The following EPM2A variants were observed in gnomAD, a reference collection of about 807,000 sequenced individuals.
The protein encoded by EPM2A is laforin.
In EPM2A, 21 loss-of-function variants were observed where a neutral mutation model predicts 26.5. The ratio of observed to expected loss-of-function variants is 0.79; its 90% CI spans 0.56 to 1.14. EPM2A has a LOEUF of 1.14. EPM2A is among the 50% of genes most tolerant of loss of function. EPM2A has a pLI of 0.00. For missense variants in EPM2A, 458 were observed against 440.8 expected (o/e 1.04, Z -0.35); for synonymous variants, 217 against 177.6 (o/e 1.22, Z -1.76).
chr6:145,587,344 T>C (rs537256817), intron 2 of EPM2A, among the ~76,000 whole-genome samples: 3 of 152,192 alleles, frequency 2.0e-5, no homozygotes, highest in Non-Finnish European at 4.4e-5. Context: ...TTGCAAATGG[T>C]TCAGAATATA....
rs983941071 is a variant in EPM2A, at chr6:145,635,761, T to C, written c.477-275A>G. 1.2e-5 allele frequency: 5 copies of C among 408,816 alleles called. 1 individual carries two copies. The highest frequency in any genetic ancestry group is 7.1e-5 in the South Asian group (3 of 41,970). The allele number at this position is 408,816 out of a possible 1,614,324, so 25.3% of individuals were successfully genotyped here. On this transcript the variant is annotated intron_variant, in intron 2 of 3. Coordinates refer to ENST00000367519, the MANE Select transcript of EPM2A (RefSeq NM_005670.4). ...AATATATTAAAATAAGTCTACCAAGTTGTACTTATTCCATGAATGCATATA... is the reference window on the plus strand; with the variant it reads ...AATATATTAAAATAAGTCTACCAAGCTGTACTTATTCCATGAATGCATATA...
Position 145,506,658 on chromosome 6 carries a change from T to C in EPM2A, c.341-4083A>G, listed in dbSNP as rs1320155175. On this transcript the variant is annotated intron_variant, in intron 2 of 3. Transcript: ENST00000450221. ...GAACTCAAGCATATGGAAAAGAAAA[T>C]ACAAAGAAAATAAGTCACCCTGTAA... Among the ~76,000 whole-genome samples, 9 of 151,904 alleles carry C rather than the reference T, an allele frequency of 5.9e-5. No individual in the cohort carries two copies. In the South Asian group the frequency reaches 1.7e-3, roughly 28 times the overall value.
intron 4 of EPM2A, among the ~76,000 whole-genome samples, chr6:145,481,159 G>A (rs1376972498): frequency 2.0e-5 from 3 of 152,084 alleles, no homozygotes; most frequent in Non-Finnish European, 4.4e-5. Context: ...TGCCCTCAGG[G>A]CAACCTTGGG....
intron 1 of EPM2A, among the ~76,000 whole-genome samples, chr6:145,719,111 C>T (rs891378939): frequency 2.2e-4 from 33 of 152,052 alleles, no homozygotes; most frequent in Non-Finnish European, 4.6e-4. Context: ...ACCCAGCCAT[C>T]CCATTACTGG....
intron 2 of EPM2A, among the ~76,000 whole-genome samples, chr6:145,663,543 G>A (rs566173802): frequency 6.6e-6 from 1 of 152,294 alleles, no homozygotes; most frequent in Non-Finnish European, 1.5e-5. Flanking sequence ...TCTGATTGGT[G>A]TACCTGAAAG....
chr6:145,618,945 C>A (rs1775572720), intron 2 of EPM2A, among the ~76,000 whole-genome samples: 1 of 152,004 alleles, frequency 6.6e-6, no homozygotes, highest in African/African-American at 2.4e-5. Context: ...GGAAGATAAG[C>A]CAGGAAGCTT....
intron 4 of EPM2A, among the ~76,000 whole-genome samples, chr6:145,402,720 T>G (rs1032786891): frequency 6.6e-6 from 1 of 152,168 alleles, no homozygotes; most frequent in Non-Finnish European, 1.5e-5. Flanking sequence ...GCAAACGGAT[T>G]AACATTTGGT....
chr6:145,490,042 C>A, intron 4 of EPM2A: 1 of 1,321,458 alleles, frequency 7.6e-7, no homozygotes, highest in South Asian at 1.4e-5. Context: ...AATCCACAGT[C>A]ACTTGTGCTG....
intron 2 of EPM2A, among the ~76,000 whole-genome samples, chr6:145,582,501 A>G (rs1249107975): frequency 6.6e-6 from 1 of 152,180 alleles, no homozygotes; most frequent in Non-Finnish European, 1.5e-5. Context: ...TCTGACTTGT[A>G]GGATTTCTGC....
At chr6:145,554,251 G>T (rs985636697) in intron 2 of EPM2A, among the ~76,000 whole-genome samples, 1 of 151,974 alleles carries the variant, frequency 6.6e-6, no homozygotes, top group Non-Finnish European at 1.5e-5. Context: ...GTAGTATGAT[G>T]TAGTAATTTA....
intron 4 of EPM2A, among the ~76,000 whole-genome samples, chr6:145,429,600 T>C (rs1184229568): frequency 6.6e-6 from 1 of 152,210 alleles, no homozygotes; most frequent in African/African-American, 2.4e-5. Flanking sequence ...CCTAGAGTTA[T>C]TCATTCTTTG....
Position 145,597,754 on chromosome 6 carries a change from CTGT to C in EPM2A, c.340+37488_340+37490del, listed in dbSNP as rs537201432. Reference sequence around the variant, plus strand: ...TTCACCCTCAAGAAGGCCCCAGTGTCTGTTGTTCCCTTCTTTGTGTTCCTGAGT... The same window carrying C: ...TTCACCCTCAAGAAGGCCCCAGTGTCTGTTCCCTTCTTTGTGTTCCTGAGT... On this transcript the variant is annotated intron_variant, in intron 2 of 3. Coordinates refer to the EPM2A transcript ENST00000450221. Among the ~76,000 whole-genome samples the C allele has an allele frequency of 2.3e-3, 350 of 152,234 alleles. 2 individuals carry two copies. The highest frequency in any genetic ancestry group is 0.014 in the Middle Eastern group (4 of 294).
rs200128981 is a variant in EPM2A, at chr6:145,427,497, TA to T, written c.556-43401del. Among the ~76,000 whole-genome samples, 762 of 152,012 alleles carry T rather than the reference TA, an allele frequency of 5.0e-3. 4 individuals are homozygous for T. Among genetic ancestry groups the T allele is most frequent in the Admixed American group, 0.011 (167 of 15,252 alleles). On this transcript the variant is annotated intron_variant, in intron 4 of 4. Transcript: ENST00000638717. ...AGAGATAAGATTATCAGAGAGGTAATAGGGGTGGAGGTGTCACAGTGCGTCT... is the reference window on the plus strand; with the variant it reads ...AGAGATAAGATTATCAGAGAGGTAATGGGGTGGAGGTGTCACAGTGCGTCT...
intron 4 of EPM2A, among the ~76,000 whole-genome samples, chr6:145,391,660 A>C (rs1778338572): frequency 6.6e-6 from 1 of 152,114 alleles, no homozygotes; most frequent in Non-Finnish European, 1.5e-5. Context: ...GGAAGTTCCC[A>C]TACCCCCGCT....
intron 4 of EPM2A, among the ~76,000 whole-genome samples, chr6:145,467,072 A>C (rs1344636351): frequency 6.6e-6 from 1 of 152,172 alleles, no homozygotes; most frequent in East Asian, 1.9e-4. Context: ...GCAGCGCACC[A>C]GCATGGCACA....
intron 2 of EPM2A, among the ~76,000 whole-genome samples, chr6:145,535,029 G>A (rs755183366): frequency 5.9e-5 from 9 of 152,094 alleles, no homozygotes; most frequent in Non-Finnish European, 1.0e-4. Flanking sequence ...ACATATGATC[G>A]CTCTTCATCT....
At chr6:145,541,580 C>T (rs761706561) in intron 2 of EPM2A, among the ~76,000 whole-genome samples, 2 of 151,988 alleles carry the variant, frequency 1.3e-5, no homozygotes, top group East Asian at 1.9e-4. Context: ...GGTGTCAAAA[C>T]GAGTCAAGAA....
intron 4 of EPM2A, among the ~76,000 whole-genome samples, chr6:145,410,102 C>A (rs1171193262): frequency 6.6e-6 from 1 of 152,218 alleles, no homozygotes; most frequent in East Asian, 1.9e-4. Flanking sequence ...ACCACATACA[C>A]CTAGGAAATA....
chr6:145,483,678 A>G (rs906674565), intron 4 of EPM2A, among the ~76,000 whole-genome samples: 1 of 152,166 alleles, frequency 6.6e-6, no homozygotes, highest in Non-Finnish European at 1.5e-5. Context: ...AGTCAAGAAC[A>G]AGCTGTGGTG....
Sources: allele counts gnomAD v4.1 joint callset (sites outside exome capture counted in the v4.1 genomes callset), GRCh38; gene constraint gnomAD v4.1.1; transcripts MANE v1.5; gene names NCBI Gene and HGNC (gene_info 2026-07-23, HGNC 2026-07-21).